Variants in ADGRL3 observed in about 807,000 individuals in gnomAD.
ADGRL3 encodes calcium-independent alpha-latrotoxin receptor 3.
In ADGRL3, 62 loss-of-function variants were observed where a neutral mutation model predicts 153.5. The ratio of observed to expected loss-of-function variants is 0.40; its 90% CI spans 0.33 to 0.50. ADGRL3 has a LOEUF of 0.50. ADGRL3 is among the 20% of genes least tolerant of loss of function. The pLI is 0.47. For missense variants in ADGRL3, 1,641 were observed against 1,859.4 expected (o/e 0.88, Z 2.16); for synonymous variants, 710 against 672.5 (o/e 1.06, Z -0.86).
At chr4:62,034,237 T>A (rs934218091) in intron 23 of ADGRL3, among the ~76,000 whole-genome samples, 3 of 151,838 alleles carry the variant, frequency 2.0e-5, no homozygotes, top group African/African-American at 7.2e-5. Flanking sequence ...AAGTCAGGAA[T>A]GGTTACTACA....
At chr4:61,282,044 A>G (rs988052474) in intron 1 of ADGRL3, among the ~76,000 whole-genome samples, 28 of 152,178 alleles carry the variant, frequency 1.8e-4, no homozygotes, top group Non-Finnish European at 8.8e-5. Context: ...GATTCTGTAT[A>G]GAATGACTTC....
chr4:61,332,070 G>A (rs193277254), intron 1 of ADGRL3, among the ~76,000 whole-genome samples: 76 of 152,028 alleles, frequency 5.0e-4, no homozygotes, highest in African/African-American at 1.7e-3. Context: ...AAATGTAGGA[G>A]GTGATCACAT....
At chr4:61,891,766 C>T (rs1325034592) in intron 9 of ADGRL3, among the ~76,000 whole-genome samples, 1 of 152,104 alleles carries the variant, frequency 6.6e-6, no homozygotes, top group Admixed American at 6.6e-5. Context: ...TCTAATCTTA[C>T]AGCTAGGTAT....
intron 6 of ADGRL3, among the ~76,000 whole-genome samples, chr4:61,728,858 A>G (rs1334863147): frequency 2.0e-5 from 3 of 152,002 alleles, no homozygotes; most frequent in Admixed American, 6.6e-5. Context: ...CAGTCTGAAT[A>G]TAGGTTTGTG....
At chr4:61,536,253 T>C (rs11722703) in intron 4 of ADGRL3, among the ~76,000 whole-genome samples, 32,385 of 152,056 alleles carry the variant, frequency 0.21, 3,689 homozygotes, top group Admixed American at 0.3. Context: ...TGATACTTGA[T>C]ATTATTTCAA....
At chr4:61,387,531 C>T (rs546303733) in intron 2 of ADGRL3, among the ~76,000 whole-genome samples, 10 of 152,188 alleles carry the variant, frequency 6.6e-5, no homozygotes, top group African/African-American at 2.4e-4. Context: ...TAGAGACCCA[C>T]CCCCAGGTGC....
At chr4:62,027,096 A>G (rs1370858415) in intron 21 of ADGRL3, among the ~76,000 whole-genome samples, 1 of 152,072 alleles carries the variant, frequency 6.6e-6, no homozygotes, top group Admixed American at 6.6e-5. Flanking sequence ...CACAGATGGA[A>G]TATACTGATG....
At chr4:62,054,775 A>T (rs1049979397) in intron 25 of ADGRL3, among the ~76,000 whole-genome samples, 2 of 151,712 alleles carry the variant, frequency 1.3e-5, no homozygotes, top group Non-Finnish European at 3.0e-5. Flanking sequence ...ACAAATTAAT[A>T]AATGAAATTC....
At chr4:61,692,261 G>A (rs1284381346) in intron 6 of ADGRL3, among the ~76,000 whole-genome samples, 1 of 151,980 alleles carries the variant, frequency 6.6e-6, no homozygotes, top group Non-Finnish European at 1.5e-5. Context: ...CATAGAAAAA[G>A]AATTAGGTAG....
chr4:61,651,833 A>G (rs1321016020), intron 5 of ADGRL3, among the ~76,000 whole-genome samples: 9 of 148,598 alleles, frequency 6.1e-5, no homozygotes. Context: ...GGCCAGGATG[A>G]CCTCGATCTC....
chr4:61,240,244 G>C (rs1754398470), intron 1 of ADGRL3, among the ~76,000 whole-genome samples: 1 of 152,054 alleles, frequency 6.6e-6, no homozygotes, highest in East Asian at 1.9e-4. Flanking sequence ...TATTTCCCTA[G>C]AGATCATTTA....
intron 2 of ADGRL3, among the ~76,000 whole-genome samples, chr4:61,448,673 C>A: frequency 6.9e-6 from 1 of 144,938 alleles, no homozygotes. Context: ...GTTTAAGGGG[C>A]AAAAATGGCA....
intron 1 of ADGRL3, among the ~76,000 whole-genome samples, chr4:61,349,707 T>C (rs2151293209): frequency 6.6e-6 from 1 of 152,264 alleles, no homozygotes; most frequent in East Asian, 1.9e-4. Context: ...TACTAGTACC[T>C]TTACATAAAG....
At chr4:61,697,452 C>T (rs367779832) in intron 6 of ADGRL3, among the ~76,000 whole-genome samples, 12 of 151,218 alleles carry the variant, frequency 7.9e-5, no homozygotes, top group South Asian at 4.2e-4. Context: ...CCCAGCTACT[C>T]GGGAGGCTGA....
At chr4:61,867,538 A>ATATATATATATATATATATATATATG (rs2098409545) in intron 9 of ADGRL3, among the ~76,000 whole-genome samples, 1 of 139,220 alleles carries the variant, frequency 7.2e-6, no homozygotes, top group African/African-American at 2.6e-5. Context: ...ATATATATAT[A>ATATATATATATATATATATATATATG]TAATTGTAGG....
At chr4:62,011,794 A>G (rs1451609272) in intron 21 of ADGRL3, among the ~76,000 whole-genome samples, 1 of 152,144 alleles carries the variant, frequency 6.6e-6, no homozygotes, top group African/African-American at 2.4e-5. Context: ...ACTTAAAGTC[A>G]AAGTTCTTAA....
At chr4:61,886,961 T>A (rs1561416917) in intron 9 of ADGRL3, among the ~76,000 whole-genome samples, 1 of 152,002 alleles carries the variant, frequency 6.6e-6, no homozygotes. Flanking sequence ...TTGCCTATTT[T>A]ATTACTGATA....
chr4:61,750,563 G>A (rs1010070156), intron 8 of ADGRL3, among the ~76,000 whole-genome samples: 6 of 152,122 alleles, frequency 3.9e-5, no homozygotes, highest in Admixed American at 3.3e-4. Context: ...AGGCCGAGGC[G>A]GGCGGATCAC....
intron 25 of ADGRL3, among the ~76,000 whole-genome samples, chr4:62,057,309 C>G (rs184495763): frequency 4.4e-4 from 67 of 152,212 alleles, no homozygotes; most frequent in South Asian, 1.0e-3. Flanking sequence ...GTCAAAACAC[C>G]TATTCTATTT....
Sources: allele counts gnomAD v4.1 joint callset (sites outside exome capture counted in the v4.1 genomes callset), GRCh38; gene constraint gnomAD v4.1.1; transcripts MANE v1.5; gene names NCBI Gene and HGNC (gene_info 2026-07-23, HGNC 2026-07-21).